VAV3: variants seen among roughly 807,000 people sequenced by gnomAD.
The protein encoded by VAV3 is vav guanine nucleotide exchange factor 3.
Under a neutral mutation model 131.2 loss-of-function variants are expected in VAV3, and 94 were observed. That is an observed-to-expected ratio of 0.72 (90% CI 0.61 to 0.85). The LOEUF (loss-of-function observed/expected upper bound fraction) is 0.85. VAV3 is among the 40% of genes least tolerant of loss of function. The pLI is 0.00. For synonymous variants in VAV3, 349 were observed against 342.0 expected (o/e 1.02, Z -0.22); for missense variants, 939 against 1,002.7 (o/e 0.94, Z 0.86).
chr1:107,685,952 T>C (rs1231007441), intron 18 of VAV3: 1 of 133,392 alleles, frequency 7.5e-6, no homozygotes, highest in African/African-American at 2.9e-5. Context: ...CAGTTACAGC[T>C]TCACACCACC....
At chr1:107,654,703 T>G (rs1196072916) in intron 19 of VAV3, among the ~76,000 whole-genome samples, 3 of 152,018 alleles carry the variant, frequency 2.0e-5, no homozygotes, top group African/African-American at 7.2e-5. Flanking sequence ...TAATCAACTT[T>G]AAATACCAAA....
rs181201166 is a variant in VAV3, at chr1:107,623,360, T to C, written c.1915-5728A>G. 5.3e-5 allele frequency among the ~76,000 whole-genome samples: 8 copies of C among 152,354 alleles called. No homozygotes were observed. In the East Asian group the frequency reaches 1.5e-3, roughly 29 times the overall value. On this transcript the variant is annotated intron_variant, in intron 20 of 26. Coordinates refer to ENST00000370056, the MANE Select transcript of VAV3 (RefSeq NM_006113.5). ...TATCTATAATATTGTTTCTTGATTA[T>C]TGTCAATCACTTACTTCATTTCTAA...
intron 25 of VAV3, among the ~76,000 whole-genome samples, chr1:107,576,077 T>A (rs895347689): frequency 3.9e-5 from 6 of 152,128 alleles, no homozygotes; most frequent in African/African-American, 7.2e-5. Flanking sequence ...AACTTTCTGG[T>A]CTTCAAGAAA....
intron 2 of VAV3, among the ~76,000 whole-genome samples, chr1:107,794,997 T>C (rs1186667430): frequency 6.6e-6 from 1 of 152,200 alleles, no homozygotes; most frequent in Non-Finnish European, 1.5e-5. Flanking sequence ...TAACCTCAGA[T>C]GAAGTATTGC....
chr1:107,724,207 G>C (rs992768290), intron 15 of VAV3, among the ~76,000 whole-genome samples: 1 of 151,502 alleles, frequency 6.6e-6, no homozygotes, highest in Non-Finnish European at 1.5e-5. Flanking sequence ...GTTCACCTCC[G>C]TCTCAGCCCC....
chr1:107,631,279 T>C (rs1170898537), intron 20 of VAV3, among the ~76,000 whole-genome samples: 3 of 152,040 alleles, frequency 2.0e-5, no homozygotes, highest in Non-Finnish European at 4.4e-5. Context: ...TAAACCTTTA[T>C]AACTAAAATT....
rs975038735 is a variant in VAV3, at chr1:107,794,115, G to C, written c.322-14623C>G. Among the ~76,000 whole-genome samples the C allele has an allele frequency of 2.0e-5, 3 of 152,246 alleles. No homozygotes were observed. In the East Asian group the frequency reaches 5.8e-4, roughly 29 times the overall value. On this transcript the variant is annotated intron_variant, in intron 2 of 26. Coordinates refer to ENST00000370056, the MANE Select transcript of VAV3 (RefSeq NM_006113.5). Reference sequence around the variant, plus strand: ...CCAAAGATAGCTCTGGCTGACAATGGTTGAAAACTGACCCAGAACTGTCAA... The same window carrying C: ...CCAAAGATAGCTCTGGCTGACAATGCTTGAAAACTGACCCAGAACTGTCAA...
At chr1:107,574,238 T>C in intron 25 of VAV3, 40 bp from the exon 26 acceptor site, 6 of 1,601,660 alleles carry the variant, frequency 3.7e-6, no homozygotes, top group Non-Finnish European at 4.3e-6. Flanking sequence ...GGTTTGCAGT[T>C]CGTTAACAAC....
At chr1:107,838,308 C>T (rs959744889) in intron 2 of VAV3, among the ~76,000 whole-genome samples, 21 of 152,142 alleles carry the variant, frequency 1.4e-4, no homozygotes, top group Admixed American at 1.3e-3. Flanking sequence ...CATGAACAGA[C>T]CCTTCTCAAA....
chr1:107,691,542 T>C (rs1659425525), intron 17 of VAV3, among the ~76,000 whole-genome samples: 1 of 152,202 alleles, frequency 6.6e-6, no homozygotes, highest in Non-Finnish European at 1.5e-5. Context: ...AAAGTCTCTC[T>C]TTCTGTATCT....
chr1:107,959,630 C>T lies in VAV3; in HGVS notation c.204+5036G>A, dbSNP rs148276832. ...CAGGTTCTCCCCATCTCTCTGCCCT[C>T]GAGAACAGGCATGCTCCAATGGCTC... is the stretch of plus-strand genomic sequence containing the variant. On this transcript the variant is annotated intron_variant, in intron 1 of 26. Coordinates refer to ENST00000370056, the MANE Select transcript of VAV3 (RefSeq NM_006113.5). Among the ~76,000 whole-genome samples, 257 of 152,266 alleles carry T rather than the reference C, an allele frequency of 1.7e-3. No individual in the cohort carries two copies. In the Middle Eastern group the frequency reaches 0.02, roughly 12 times the overall value.
intron 20 of VAV3, among the ~76,000 whole-genome samples, chr1:107,623,308 T>G (rs1653742551): frequency 6.6e-6 from 1 of 152,348 alleles, no homozygotes; most frequent in Middle Eastern, 3.4e-3. Context: ...GAAAGTACTT[T>G]GCAAATGCTA....
chr1:107,690,078 G>A (rs1659323470), intron 17 of VAV3, among the ~76,000 whole-genome samples: 1 of 152,114 alleles, frequency 6.6e-6, no homozygotes, highest in Non-Finnish European at 1.5e-5. Context: ...TCCAAAATTG[G>A]GGAAACCTCA....
In VAV3 at chr1:107,749,458, T is replaced by C; in HGVS notation, c.1392+4A>G. ...ATTACAGTTATTAGTTTCCAAAAAG[T>C]CACCTTTTTGTTTTCTTTATCGGTT... On this transcript the variant is annotated splice_donor_region_variant and intron_variant, in intron 14 of 26. Coordinates refer to ENST00000370056, the MANE Select transcript of VAV3 (RefSeq NM_006113.5). 6.3e-7 allele frequency: 1 copy of C among 1,585,944 alleles called. No individual in the cohort carries two copies. Among genetic ancestry groups the C allele is most frequent in the Non-Finnish European group, 8.5e-7 (1 of 1,172,744 alleles).
intron 20 of VAV3, among the ~76,000 whole-genome samples, chr1:107,618,573 A>T (rs1264892214): frequency 2.0e-5 from 3 of 152,216 alleles, no homozygotes; most frequent in African/African-American, 7.2e-5. Context: ...ATACTTATTG[A>T]ATCCTTAATA....
At chr1:107,624,651 T>C (rs1653872624) in intron 20 of VAV3, among the ~76,000 whole-genome samples, 1 of 152,162 alleles carries the variant, frequency 6.6e-6, no homozygotes, top group Non-Finnish European at 1.5e-5. Flanking sequence ...TTTTCTATCC[T>C]TGGCAATTTT....
At chr1:107,928,586 T>C (rs1303622698) in intron 1 of VAV3, among the ~76,000 whole-genome samples, 2 of 152,168 alleles carry the variant, frequency 1.3e-5, no homozygotes, top group African/African-American at 2.4e-5. Context: ...AAAGGTTAAG[T>C]CGAAATTATG....
At chr1:107,637,622 A>C (rs186224530) in intron 20 of VAV3, among the ~76,000 whole-genome samples, 12 of 152,284 alleles carry the variant, frequency 7.9e-5, no homozygotes, top group Admixed American at 7.2e-4. Flanking sequence ...ACAGAGCGAG[A>C]CTCCGTCTCA....
At chr1:107,935,183 T>C (rs17020409) in intron 1 of VAV3, among the ~76,000 whole-genome samples, 5,111 of 152,298 alleles carry the variant, frequency 0.034, 120 homozygotes, top group South Asian at 0.13. Flanking sequence ...AAGATTACAG[T>C]TTCCTACAGT....
Sources: gnomAD v4.1 joint callset for allele counts (sites outside exome capture counted in the v4.1 genomes callset) on GRCh38, gnomAD v4.1.1 for gene constraint, MANE v1.5 for transcripts, NCBI Gene and HGNC (gene_info 2026-07-23, HGNC 2026-07-21) for gene names.